The following TTC6 variants were observed in gnomAD, a reference collection of about 807,000 sequenced individuals.
TTC6 encodes tetratricopeptide repeat domain 6.
A neutral mutation model predicts 210.4 loss-of-function variants in TTC6; 172 were observed. The observed-to-expected ratio is 0.82, with a 90% confidence interval of 0.72 to 0.93. The LOEUF is 0.93. Ranked by LOEUF, TTC6 falls within the 40% of genes least tolerant of loss-of-function variation. The probability of loss-of-function intolerance (pLI) is 0.00; values close to 1 mark genes in which losing one functional copy is unlikely to be tolerated. For synonymous variants in TTC6, 804 were observed against 819.6 expected, an observed-to-expected ratio of 0.98 and a Z score of 0.32; for missense variants, 2,414 against 2,318.1, an observed-to-expected ratio of 1.04 and a Z score of -0.85.
chr14:37,708,910 T>G (rs1487724541), intron 5 of TTC6, among the ~76,000 whole-genome samples: 4 of 152,022 alleles, frequency 2.6e-5, no homozygotes, highest in Non-Finnish European at 4.4e-5. Context: ...TCTCTGAATA[T>G]TGCCTGGTTT....
At chr14:37,727,875 A>G (rs1001640851) in intron 7 of TTC6, among the ~76,000 whole-genome samples, 18 of 152,096 alleles carry the variant, frequency 1.2e-4, no homozygotes, top group Non-Finnish European at 1.5e-5. Flanking sequence ...TCAAAATACC[A>G]GTTTCTTGGA....
intron 14 of TTC6, among the ~76,000 whole-genome samples, chr14:37,781,886 C>A (rs1440343533): frequency 6.6e-6 from 1 of 152,126 alleles, no homozygotes; most frequent in Non-Finnish European, 1.5e-5. Flanking sequence ...AGTGGGGAAT[C>A]CTTTCCCCAT....
At chr14:37,795,787 A>G (rs543271831) in intron 18 of TTC6, among the ~76,000 whole-genome samples, 1 of 152,278 alleles carries the variant, frequency 6.6e-6, no homozygotes, top group East Asian at 1.9e-4. Flanking sequence ...GGTACTGCCT[A>G]CTTCCATGCA....
intron 1 of TTC6, among the ~76,000 whole-genome samples, chr14:37,651,267 A>G (rs2095710574): frequency 6.6e-6 from 1 of 150,730 alleles, no homozygotes; most frequent in South Asian, 2.1e-4. Context: ...TTCTCTGTCA[A>G]CACAATTCAT....
At chr14:37,658,748 A>T (rs1021053931) in intron 1 of TTC6, among the ~76,000 whole-genome samples, 1 of 152,236 alleles carries the variant, frequency 6.6e-6, no homozygotes, top group Non-Finnish European at 1.5e-5. Flanking sequence ...GTCCTGGGTA[A>T]GTAAAATGTC....
intron 1 of TTC6, among the ~76,000 whole-genome samples, chr14:37,655,544 G>A (rs1226699409): frequency 6.6e-6 from 1 of 151,986 alleles, no homozygotes; most frequent in Non-Finnish European, 1.5e-5. Flanking sequence ...TCTTTCTCTT[G>A]AACTTTCTGC....
chr14:37,815,248 A>G (rs760645868), intron 25 of TTC6, among the ~76,000 whole-genome samples: 9 of 152,180 alleles, frequency 5.9e-5, no homozygotes, highest in Non-Finnish European at 1.2e-4. Context: ...ACTGAAACAA[A>G]CAAACGAGTA....
Position 37,751,080 on chromosome 14 carries a change from AC to A in TTC6, c.2985del (p.Tyr995Ter). On this transcript the variant is annotated frameshift_variant, in exon 13 of 31. Transcript: ENST00000553443. LOFTEE classifies it high-confidence loss of function. ...GCATATTTGTCAAAAGCAGAAATTT[AC>A]AGGGGAAAAAAAGACATAACTTTGG... is the stretch of plus-strand genomic sequence containing the variant. 5.9e-6 allele frequency: 9 copies of A among 1,523,388 alleles called. No homozygotes were observed. The highest frequency in any genetic ancestry group is 7.9e-6 in the Non-Finnish European group (9 of 1,140,384). The allele number at this position is 1,523,388 out of a possible 1,614,324, so 94.4% of individuals were successfully genotyped here. A position where few individuals can be genotyped will look rare whatever the true frequency, so the allele number is the denominator to read the frequency against.
chr14:37,607,412 A>G (rs2139236328), intron 2 of TTC6, among the ~76,000 whole-genome samples: 1 of 152,324 alleles, frequency 6.6e-6, no homozygotes, highest in Middle Eastern at 3.4e-3. Context: ...TAAACCAGTG[A>G]CATTATTTAG....
intron 14 of TTC6, among the ~76,000 whole-genome samples, chr14:37,753,989 A>T (rs903195807): frequency 6.6e-6 from 1 of 151,844 alleles, no homozygotes; most frequent in African/African-American, 2.4e-5. Context: ...TTTAATCTAA[A>T]TTTTGTTTTG....
At chr14:37,792,407 A>G in exon 17 of TTC6, 1 of 1,504,408 alleles carries the variant, frequency 6.6e-7, no homozygotes, top group Non-Finnish European at 8.8e-7. Context: ...GCGGAAACCT[A>G]TTTTAAGGTA....
chr14:37,771,633 G>A (rs939635470), intron 14 of TTC6, among the ~76,000 whole-genome samples: 2 of 151,972 alleles, frequency 1.3e-5, no homozygotes, highest in Non-Finnish European at 2.9e-5. Context: ...CGTAGTTCTC[G>A]AGCCTTGGTT....
chr14:37,624,873 G>A (rs540568908), intron 1 of TTC6, among the ~76,000 whole-genome samples: 4 of 152,000 alleles, frequency 2.6e-5, no homozygotes, highest in South Asian at 4.2e-4. Context: ...CGCCCGCCTC[G>A]GCCTCCCAAA....
intron 3 of TTC6, among the ~76,000 whole-genome samples, chr14:37,694,722 C>T (rs1386872461): frequency 6.6e-6 from 1 of 152,022 alleles, no homozygotes; most frequent in Non-Finnish European, 1.5e-5. Context: ...GTGGTACATA[C>T]ACACGATGGA....
chr14:37,736,978 A>G (rs1275704073), intron 8 of TTC6, among the ~76,000 whole-genome samples: 2 of 152,030 alleles, frequency 1.3e-5, no homozygotes, highest in East Asian at 1.9e-4. Context: ...ACTGGTCTCA[A>G]AACTCCTAGG....
At chr14:37,808,918 A>T in intron 24 of TTC6, 72 bp downstream of exon 26, 2 of 728,078 alleles carry the variant, frequency 2.7e-6, no homozygotes, top group Non-Finnish European at 4.6e-6. Context: ...TAGCTTGTGG[A>T]TTTCAATCAA....
chr14:37,796,676 T>C lies in TTC6; in HGVS notation c.3869-111T>C, dbSNP rs1006671393. 4.0e-5 allele frequency: 39 copies of C among 975,542 alleles called. No homozygotes were observed. In the South Asian group the frequency reaches 6.5e-4, roughly 16 times the overall value. 60.4% of individuals were successfully genotyped at this position (975,542 alleles called of 1,614,324 possible). On this transcript the variant is annotated intron_variant, in intron 19 of 30. Coordinates refer to ENST00000553443, the Ensembl canonical transcript of TTC6. The stretch of plus-strand genomic sequence containing the variant: ...ATTTGTTAATTTTATAATTTATTGA[T>C]TTGTTAATTCATATTATAAAGACAA...
At chr14:37,639,328 A>G (rs181794640) in intron 1 of TTC6, among the ~76,000 whole-genome samples, 1 of 152,182 alleles carries the variant, frequency 6.6e-6, no homozygotes, top group South Asian at 2.1e-4. Flanking sequence ...CATTTGGGCA[A>G]ATCTTTTCTA....
intron 3 of TTC6, among the ~76,000 whole-genome samples, chr14:37,691,816 A>G (rs757470032): frequency 2.0e-5 from 3 of 152,196 alleles, no homozygotes; most frequent in Non-Finnish European, 2.9e-5. Context: ...AAAAGAAGAC[A>G]GAAGATCCAA....
Sources: gnomAD v4.1 joint callset for allele counts (sites outside exome capture counted in the v4.1 genomes callset) on GRCh38, gnomAD v4.1.1 for gene constraint, MANE v1.5 for transcripts, NCBI Gene and HGNC (gene_info 2026-07-23, HGNC 2026-07-21) for gene names.